Variants in RMND5A observed in about 807,000 individuals in gnomAD.
The protein encoded by RMND5A is required for meiotic nuclear division 5 homolog A.
In RMND5A, 17 loss-of-function variants were observed where a neutral mutation model predicts 49.7. The observed-to-expected ratio is 0.34, with a 90% confidence interval of 0.23 to 0.51. RMND5A has a LOEUF of 0.51. Among genes scored for constraint, RMND5A ranks in the 20% least tolerant of loss-of-function variants. The pLI, the probability that RMND5A is intolerant of heterozygous loss-of-function variation, is 0.96. For synonymous variants in RMND5A, 156 were observed against 167.7 expected, an observed-to-expected ratio of 0.93 and a Z score of 0.54; for missense variants, 255 against 471.3, an observed-to-expected ratio of 0.54 and a Z score of 4.25.
chr2:86,771,463 G>C, intron 7 of RMND5A, 95 bp from the exon 8 acceptor site: 1 of 1,082,282 alleles, frequency 9.2e-7, no homozygotes. Context: ...GAATAGATCT[G>C]ATCAATGTTC....
chr2:86,770,178 G>T, intron 7 of RMND5A, 53 bp downstream of exon 7: 1 of 1,223,038 alleles, frequency 8.2e-7, no homozygotes, highest in South Asian at 1.2e-5. Context: ...AGAAGAATAT[G>T]GCATCTTTAA....
At chr2:86,764,815 G>C (rs1191255951) in intron 4 of RMND5A, among the ~76,000 whole-genome samples, 1 of 152,212 alleles carries the variant, frequency 6.6e-6, no homozygotes, top group Non-Finnish European at 1.5e-5. Context: ...CTATCTTAAT[G>C]CTTTTTCTTT....
chr2:86,742,656 T>A (rs536976619), intron 2 of RMND5A, among the ~76,000 whole-genome samples: 1 of 151,790 alleles, frequency 6.6e-6, no homozygotes, highest in Non-Finnish European at 1.5e-5. Flanking sequence ...CAGTAACTAC[T>A]GGTGGTGTCT....
intron 2 of RMND5A, among the ~76,000 whole-genome samples, chr2:86,747,297 A>G (rs780436003): frequency 7.2e-5 from 11 of 152,240 alleles, no homozygotes; most frequent in Non-Finnish European, 1.5e-4. Context: ...CATGTTTAAC[A>G]TTAGGAATTT....
At chr2:86,762,680 C>CAT (rs1208059599) in intron 4 of RMND5A, among the ~76,000 whole-genome samples, 2 of 96,672 alleles carry the variant, frequency 2.1e-5, no homozygotes, top group African/African-American at 9.0e-5. Context: ...ATATATATAT[C>CAT]ATATATATAT....
chr2:86,747,577 T>C (rs899730502), intron 2 of RMND5A, among the ~76,000 whole-genome samples: 18 of 152,220 alleles, frequency 1.2e-4, no homozygotes, highest in African/African-American at 1.2e-4. Flanking sequence ...TAGCACATTT[T>C]GTTGGTTCAT....
rs1409395942 is a variant in RMND5A, at chr2:86,776,363, G to GT, written c.*2953dup. On this transcript the variant is annotated 3_prime_UTR_variant, in exon 9 of 9. Coordinates refer to ENST00000283632, the MANE Select transcript of RMND5A (RefSeq NM_022780.4). ...GAGCCACCTCATATTCATAGGGTGT[G>GT]TATTTTTTGAGTGTGAGCATTTAAT... 2 of 152,152 alleles carry GT rather than the reference G, an allele frequency of 1.3e-5. No homozygotes were observed. Among genetic ancestry groups the GT allele is most frequent in the Non-Finnish European group, 2.9e-5 (2 of 68,010 alleles). 9.4% of individuals were successfully genotyped at this position (152,152 alleles called of 1,614,324 possible). A position where few individuals can be genotyped will look rare whatever the true frequency, so the allele number is the denominator to read the frequency against.
At chr2:86,769,983 C>G in intron 6 of RMND5A, 40 bp from the exon 7 acceptor site, 9 of 1,501,354 alleles carry the variant, frequency 6.0e-6, no homozygotes, top group Non-Finnish European at 8.3e-6. Flanking sequence ...GCGGCCTGAC[C>G]CCTGGCCTGG....
At chr2:86,755,660 G>A (rs1164177282) in intron 4 of RMND5A, among the ~76,000 whole-genome samples, 1 of 152,162 alleles carries the variant, frequency 6.6e-6, no homozygotes, top group African/African-American at 2.4e-5. Flanking sequence ...TCTCCTAAGA[G>A]CCTTTTAAAC....
At chr2:86,772,021 G>A (rs561639344) in intron 8 of RMND5A, among the ~76,000 whole-genome samples, 11 of 152,286 alleles carry the variant, frequency 7.2e-5, no homozygotes, top group Non-Finnish European at 1.0e-4. Flanking sequence ...ACTTAGTGAT[G>A]TATTTTGGAG....
intron 2 of RMND5A, among the ~76,000 whole-genome samples, chr2:86,743,577 G>A (rs1681487205): frequency 6.6e-6 from 1 of 151,974 alleles, no homozygotes; most frequent in African/African-American, 2.4e-5. Context: ...CGATTCTCCT[G>A]CCTCAGCCTC....
intron 2 of RMND5A, among the ~76,000 whole-genome samples, chr2:86,744,998 T>C (rs1410489177): frequency 4.5e-5 from 1 of 22,180 alleles, no homozygotes; most frequent in African/African-American, 1.3e-4. Context: ...ATAATATTTG[T>C]TCTGTGACAA....
intron 4 of RMND5A, among the ~76,000 whole-genome samples, chr2:86,761,001 TGTGA>T (rs1228122969): frequency 1.2e-4 from 18 of 151,004 alleles, no homozygotes; most frequent in Non-Finnish European, 1.8e-4. Context: ...TGTGTGTGTG[TGTGA>T]ATCAGTTTGG....
At chr2:86,772,783 C>T (rs973248634) in intron 8 of RMND5A, among the ~76,000 whole-genome samples, 8 of 152,154 alleles carry the variant, frequency 5.3e-5, no homozygotes, top group African/African-American at 1.9e-4. Context: ...TTAGTAGAGA[C>T]AGGGTTTCGC....
At chr2:86,760,915 G>C (rs1247963544) in intron 4 of RMND5A, among the ~76,000 whole-genome samples, 6 of 151,794 alleles carry the variant, frequency 4.0e-5, no homozygotes, top group African/African-American at 1.5e-4. Flanking sequence ...ATAGAAAGAT[G>C]CTTGTGGTTT....
At chr2:86,766,661 C>CAAAAAAAAAAAAAAA (rs59511898) in intron 6 of RMND5A, among the ~76,000 whole-genome samples, 5 of 77,010 alleles carry the variant, frequency 6.5e-5, no homozygotes, top group African/African-American at 1.6e-4. Context: ...GAGACTGTCT[C>CAAAAAAAAAAAAAAA]AAAAAAAAAA....
intron 5 of RMND5A, 180 bp from the exon 6 acceptor site, chr2:86,765,679 C>T: frequency 5.4e-6 from 3 of 559,984 alleles, no homozygotes; most frequent in Non-Finnish European, 6.3e-6. Context: ...CCTTTTCTTC[C>T]CTTTTCTCTC....
intron 2 of RMND5A, among the ~76,000 whole-genome samples, chr2:86,750,385 T>C (rs1311914785): frequency 6.6e-6 from 1 of 152,236 alleles, no homozygotes; most frequent in Non-Finnish European, 1.5e-5. Flanking sequence ...TATAGAATTC[T>C]AGGATGACAG....
intron 4 of RMND5A, among the ~76,000 whole-genome samples, chr2:86,760,825 A>C (rs1356910158): frequency 6.6e-6 from 1 of 152,260 alleles, no homozygotes; most frequent in Non-Finnish European, 1.5e-5. Flanking sequence ...CTAATGGTAC[A>C]AAGCATATTG....
Sources: allele counts gnomAD v4.1 joint callset (sites outside exome capture counted in the v4.1 genomes callset), GRCh38; gene constraint gnomAD v4.1.1; transcripts MANE v1.5; gene names NCBI Gene and HGNC (gene_info 2026-07-23, HGNC 2026-07-21).